DPY19L1: variants seen among roughly 807,000 people sequenced by gnomAD.
The protein encoded by DPY19L1 is protein C-mannosyl-transferase DPY19L1.
A neutral mutation model predicts 96.9 loss-of-function variants in DPY19L1; 35 were observed. The observed-to-expected ratio is 0.36, with a 90% confidence interval of 0.28 to 0.48. The LOEUF is 0.48. Among genes scored for constraint, DPY19L1 ranks in the 20% least tolerant of loss-of-function variants. The pLI is 0.99. For missense variants in DPY19L1, 521 were observed against 777.9 expected (o/e 0.67, Z 3.93); for synonymous variants, 205 against 252.6 (o/e 0.81, Z 1.79).
chr7:34,955,192 A>G, intron 12 of DPY19L1, 116 bp downstream of exon 12: 1 of 1,293,474 alleles, frequency 7.7e-7, no homozygotes, highest in Non-Finnish European at 1.1e-6. Flanking sequence ...CTAAAATACT[A>G]TAAAACTGTT....
At chr7:34,954,214 C>T (rs1429546010) in intron 13 of DPY19L1, among the ~76,000 whole-genome samples, 2 of 151,854 alleles carry the variant, frequency 1.3e-5, no homozygotes, top group African/African-American at 4.8e-5. Flanking sequence ...TCCCTTCTAC[C>T]CTAATACCAA....
chr7:35,016,284 G>A (rs1785846597), intron 3 of DPY19L1, among the ~76,000 whole-genome samples: 1 of 152,170 alleles, frequency 6.6e-6, no homozygotes, highest in African/African-American at 2.4e-5. Context: ...AGCTGCAAGG[G>A]CTTTAATAGC....
chr7:34,991,074 A>AG, intron 6 of DPY19L1, among the ~76,000 whole-genome samples: 1 of 152,346 alleles, frequency 6.6e-6, no homozygotes, highest in East Asian at 1.9e-4. Context: ...AAGAGGAGGA[A>AG]GACTGCATAT....
chr7:34,984,002 ACTT>A (rs1415830717), intron 7 of DPY19L1, among the ~76,000 whole-genome samples: 2 of 152,142 alleles, frequency 1.3e-5, no homozygotes, highest in Non-Finnish European at 2.9e-5. Context: ...ATTATAGCTG[ACTT>A]CTTATAAACC....
chr7:34,981,870 A>G (rs557494664), intron 7 of DPY19L1, among the ~76,000 whole-genome samples: 2 of 152,230 alleles, frequency 1.3e-5, no homozygotes, highest in East Asian at 3.9e-4. Flanking sequence ...AGAATCCTTG[A>G]ACCCGGGAGG....
intron 6 of DPY19L1, among the ~76,000 whole-genome samples, chr7:35,000,171 T>C (rs1490203273): frequency 6.6e-6 from 1 of 152,168 alleles, no homozygotes; most frequent in Non-Finnish European, 1.5e-5. Flanking sequence ...CTCTTGATCT[T>C]TGCCAAAAAA....
rs1378811288 is a variant in DPY19L1, at chr7:35,036,480, C to T, written c.298+617G>A. Reference sequence around the variant, plus strand: ...AAATGGCAGAGGGAGGGGAGGAGAGCCCTCCTCACCAAAGGTTCCAAGGGC... The same window carrying T: ...AAATGGCAGAGGGAGGGGAGGAGAGTCCTCCTCACCAAAGGTTCCAAGGGC... On this transcript the variant is annotated intron_variant, in intron 1 of 21. Coordinates refer to ENST00000638088, the MANE Select transcript of DPY19L1 (RefSeq NM_001366673.1). 4.0e-5 allele frequency among the ~76,000 whole-genome samples: 6 copies of T among 151,376 alleles called. No individual in the cohort carries two copies. The East Asian group carries it at 1.2e-3, about 30-fold the overall frequency.
chr7:34,993,061 T>C (rs1562819509), intron 6 of DPY19L1, among the ~76,000 whole-genome samples: 2 of 152,364 alleles, frequency 1.3e-5, no homozygotes, highest in East Asian at 3.9e-4. Flanking sequence ...CTGATCCTTT[T>C]GATTATTTTA....
At chr7:34,975,962 C>A (rs979932189) in intron 7 of DPY19L1, among the ~76,000 whole-genome samples, 7 of 152,194 alleles carry the variant, frequency 4.6e-5, no homozygotes, top group Non-Finnish European at 1.0e-4. Flanking sequence ...CTTGGTTACA[C>A]AAGTGCTCGG....
chr7:35,037,446 A>C lies in DPY19L1; in HGVS notation c.-52T>G. ...CGCGCGCCCGGACGGCGGCCAGAGAACGGCGGGCTGGCTGGGCGGCTGGGC... is the reference window on the plus strand; with the variant it reads ...CGCGCGCCCGGACGGCGGCCAGAGACCGGCGGGCTGGCTGGGCGGCTGGGC... On this transcript the variant is annotated 5_prime_UTR_variant, in exon 1 of 22. Coordinates refer to ENST00000638088, the MANE Select transcript of DPY19L1 (RefSeq NM_001366673.1). The C allele has an allele frequency of 6.6e-6, 2 of 304,810 alleles. No homozygotes were observed. The highest frequency in any genetic ancestry group is 6.0e-6 in the Non-Finnish European group (1 of 165,588). 18.9% of individuals were successfully genotyped at this position (304,810 alleles called of 1,614,324 possible).
intron 7 of DPY19L1, among the ~76,000 whole-genome samples, chr7:34,979,792 C>A (rs535225231): frequency 6.6e-6 from 1 of 152,154 alleles, no homozygotes; most frequent in African/African-American, 2.4e-5. Flanking sequence ...GAATATAAAT[C>A]TGTTTATGGA....
intron 13 of DPY19L1, 41 bp from the exon 14 acceptor site, chr7:34,949,939 T>C (rs1784236074): frequency 9.7e-7 from 1 of 1,030,656 alleles, no homozygotes; most frequent in Non-Finnish European, 1.4e-6. Context: ...AGCCATACAC[T>C]GCAATAATAT....
At chr7:34,948,580 T>TC (rs1446521704) in intron 14 of DPY19L1, among the ~76,000 whole-genome samples, 1 of 152,212 alleles carries the variant, frequency 6.6e-6, no homozygotes, top group Non-Finnish European at 1.5e-5. Context: ...TCATGCTATG[T>TC]CTCAATAAAT....
intron 1 of DPY19L1, among the ~76,000 whole-genome samples, chr7:35,024,913 T>G (rs1352911576): frequency 6.6e-6 from 1 of 152,236 alleles, no homozygotes; most frequent in Non-Finnish European, 1.5e-5. Context: ...GGCACTTCGC[T>G]GAGTTAAACG....
intron 15 of DPY19L1, among the ~76,000 whole-genome samples, chr7:34,946,662 T>G (rs1197150431): frequency 6.6e-6 from 1 of 152,184 alleles, no homozygotes; most frequent in African/African-American, 2.4e-5. Context: ...GATTAGAGAT[T>G]AAAAGTGCTG....
chr7:34,970,344 T>C (rs1269311837), intron 8 of DPY19L1, among the ~76,000 whole-genome samples: 2 of 152,190 alleles, frequency 1.3e-5, no homozygotes, highest in Non-Finnish European at 2.9e-5. Flanking sequence ...CATCCCTCTC[T>C]GCTATTTTAA....
At chr7:35,018,776 G>A (rs191502982) in intron 1 of DPY19L1, among the ~76,000 whole-genome samples, 180 bp from the exon 2 acceptor site, 154 of 152,266 alleles carry the variant, frequency 1.0e-3, no homozygotes, top group South Asian at 3.3e-3. Flanking sequence ...AGGGAATTAA[G>A]CATACAGCCA....
intron 6 of DPY19L1, among the ~76,000 whole-genome samples, chr7:34,993,268 A>G (rs1331857248): frequency 5.9e-5 from 9 of 152,122 alleles, no homozygotes; most frequent in Non-Finnish European, 8.8e-5. Context: ...TATAAATTGC[A>G]TTTTCCACTT....
chr7:34,955,570 T>A (rs1306505022), intron 11 of DPY19L1, among the ~76,000 whole-genome samples: 1 of 152,194 alleles, frequency 6.6e-6, no homozygotes, highest in African/African-American at 2.4e-5. Context: ...ATTAGGTGAA[T>A]GCGTGACTTT....
Sources: allele counts gnomAD v4.1 joint callset (sites outside exome capture counted in the v4.1 genomes callset), GRCh38; gene constraint gnomAD v4.1.1; transcripts MANE v1.5; gene names NCBI Gene and HGNC (gene_info 2026-07-23, HGNC 2026-07-21).